PXDNL: variants seen among roughly 807,000 people sequenced by gnomAD.
PXDNL encodes peroxidasin like.
In PXDNL, 145 loss-of-function variants were observed where a neutral mutation model predicts 150.8. The ratio of observed to expected loss-of-function variants is 0.96; its 90% CI spans 0.84 to 1.10. The LOEUF is 1.10. Among genes scored for constraint, PXDNL ranks in the 50% least tolerant of loss-of-function variants. The pLI is 0.00. For synonymous variants in PXDNL, 757 were observed against 725.7 expected (o/e 1.04, Z -0.69); for missense variants, 2,087 against 1,873.9 (o/e 1.11, Z -2.10).
intron 1 of PXDNL, among the ~76,000 whole-genome samples, chr8:51,744,056 AGG>A (rs1189846528): frequency 0.06 from 3,897 of 64,586 alleles, 193 homozygotes; most frequent in Non-Finnish European, 0.089. Context: ...GAAGGAAGGA[AGG>A]AAGGAAGGAA....
Position 51,809,266 on chromosome 8 carries a change from G to T in PXDNL, c.79C>A (p.Arg27=). 1.2e-6 allele frequency: 2 copies of T among 1,603,444 alleles called. No homozygotes were observed. Among genetic ancestry groups the T allele is most frequent in the Admixed American group, 1.7e-5 (1 of 57,848 alleles). ...ACGGTGCTCTTAAAGCAAAGGCACC[G>T]GCTGGGGCAGGGCAACCCTGGCAGG... ...WCLPGLPCPS[R]CLCFKSTVRC... is the part of the protein sequence containing the mutation. Residue 27 remains arginine, a synonymous_variant, in exon 1 of 23, where the codon CGG becomes AGG. Transcript: ENST00000356297.
At chr8:51,780,395 A>G (rs762023997) in intron 1 of PXDNL, among the ~76,000 whole-genome samples, 1 of 152,134 alleles carries the variant, frequency 6.6e-6, no homozygotes, top group Non-Finnish European at 1.5e-5. Context: ...CCAAAAATAC[A>G]TATGTAAATT....
At chr8:51,801,063 G>T (rs1026621539) in intron 1 of PXDNL, among the ~76,000 whole-genome samples, 4 of 152,168 alleles carry the variant, frequency 2.6e-5, no homozygotes, top group African/African-American at 9.7e-5. Flanking sequence ...CCTATAAATT[G>T]ACGTGCAAGT....
At chr8:51,406,650 C>T (rs2130880812) in intron 17 of PXDNL, among the ~76,000 whole-genome samples, 1 of 152,356 alleles carries the variant, frequency 6.6e-6, no homozygotes, top group South Asian at 2.1e-4. Flanking sequence ...TACACTTAAA[C>T]TTCTAAGACC....
At chr8:51,599,362 A>G (rs989250994) in intron 2 of PXDNL, among the ~76,000 whole-genome samples, 8 of 151,844 alleles carry the variant, frequency 5.3e-5, no homozygotes, top group African/African-American at 1.9e-4. Flanking sequence ...TTTTTGAGGT[A>G]GGCATTTATT....
chr8:51,705,839 G>A (rs868634446), intron 1 of PXDNL, among the ~76,000 whole-genome samples: 8 of 12,182 alleles, frequency 6.6e-4, no homozygotes, highest in South Asian at 3.1e-3. Context: ...GTGTGCGCGC[G>A]CGCGCGCGCG....
chr8:51,513,426 C>G (rs1295231798), intron 4 of PXDNL, among the ~76,000 whole-genome samples: 1 of 152,220 alleles, frequency 6.6e-6, no homozygotes, highest in Non-Finnish European at 1.5e-5. Flanking sequence ...ATGAGTCACA[C>G]TGTGCAAGGG....
intron 4 of PXDNL, among the ~76,000 whole-genome samples, chr8:51,522,020 C>CA (rs1811674240): frequency 6.6e-6 from 1 of 152,100 alleles, no homozygotes; most frequent in Non-Finnish European, 1.5e-5. Context: ...GAAAGAAATG[C>CA]AATAGGTCAG....
chr8:51,640,308 G>A lies in PXDNL; in HGVS notation c.236+14381C>T, dbSNP rs574849213. Reference sequence around the variant, plus strand: ...AAAACTGGCACAAGACAGGGATGCCGTCTCTCACCACTCCTATTCAACATA... The same window carrying A: ...AAAACTGGCACAAGACAGGGATGCCATCTCTCACCACTCCTATTCAACATA... On this transcript the variant is annotated intron_variant, in intron 2 of 22. Coordinates refer to ENST00000356297, the MANE Select transcript of PXDNL (RefSeq NM_144651.5). Among the ~76,000 whole-genome samples the A allele has an allele frequency of 6.0e-3, 908 of 152,118 alleles. 13 individuals carry two copies. The highest frequency in any genetic ancestry group is 0.02 in the African/African-American group (833 of 41,496).
intron 8 of PXDNL, among the ~76,000 whole-genome samples, chr8:51,468,486 C>T (rs887356497): frequency 6.6e-6 from 1 of 151,736 alleles, no homozygotes; most frequent in African/African-American, 2.4e-5. Context: ...CTCTCAGTGT[C>T]ATAATGTTTC....
chr8:51,528,852 C>T (rs922166819), intron 4 of PXDNL, among the ~76,000 whole-genome samples: 2 of 152,134 alleles, frequency 1.3e-5, no homozygotes, highest in Admixed American at 6.5e-5. Flanking sequence ...CTGCCCACAA[C>T]GCAAGTGAGT....
In PXDNL at chr8:51,409,187, C is replaced by A; in HGVS notation, c.2437G>T (p.Asp813Tyr). Residue 813 changes from aspartate to tyrosine, a missense_variant, in exon 17 of 23, where the codon GAC (aspartate) becomes TAC (tyrosine). Physicochemically the swap from Asp to Tyr is radical, Grantham distance 160 (BLOSUM62 -3). Coordinates refer to ENST00000356297, the MANE Select transcript of PXDNL (RefSeq NM_144651.5). ...AGCGCAGGCACTGTGTGGTCCAAGT[C>A]GTGCTCTAGAAACCAGCCCCAGTGC... is the stretch of plus-strand genomic sequence containing the variant. Reference protein sequence around the residue: ...LMHWGWFLEHDLDHTVPALST... With the variant: ...LMHWGWFLEHYLDHTVPALST... The A allele has an allele frequency of 6.3e-7, 1 of 1,593,664 alleles. No homozygotes were observed. Among genetic ancestry groups the A allele is most frequent in the South Asian group, 1.1e-5 (1 of 89,238 alleles).
chr8:51,738,430 A>C (rs560623887), intron 1 of PXDNL, among the ~76,000 whole-genome samples: 1 of 151,966 alleles, frequency 6.6e-6, no homozygotes, highest in Non-Finnish European at 1.5e-5. Context: ...AGAACATTCC[A>C]CTTTCTCCCC....
intron 1 of PXDNL, among the ~76,000 whole-genome samples, chr8:51,673,890 G>T (rs929939113): frequency 2.0e-5 from 3 of 151,998 alleles, no homozygotes; most frequent in Non-Finnish European, 4.4e-5. Flanking sequence ...ATGTAATTAA[G>T]GCATGCCACC....
intron 2 of PXDNL, among the ~76,000 whole-genome samples, chr8:51,625,289 G>A (rs1346686258): frequency 6.6e-6 from 1 of 151,704 alleles, no homozygotes; most frequent in Non-Finnish European, 1.5e-5. Flanking sequence ...TTCTTCAATA[G>A]AGAAAAAAGC....
intron 2 of PXDNL, among the ~76,000 whole-genome samples, chr8:51,594,664 TG>T (rs1245672754): frequency 5.3e-5 from 8 of 152,324 alleles, no homozygotes; most frequent in African/African-American, 1.9e-4. Context: ...CTCATTAAAA[TG>T]GTTCACAGTT....
intron 3 of PXDNL, among the ~76,000 whole-genome samples, chr8:51,584,590 C>T (rs749192844): frequency 2.0e-5 from 3 of 152,028 alleles, no homozygotes; most frequent in South Asian, 2.1e-4. Flanking sequence ...TGCAGCGGGA[C>T]GTATTTTCAG....
intron 1 of PXDNL, among the ~76,000 whole-genome samples, chr8:51,765,031 AAC>A (rs1369426277): frequency 6.6e-6 from 1 of 152,256 alleles, no homozygotes; most frequent in South Asian, 2.1e-4. Flanking sequence ...ATTATTTTAA[AAC>A]AGTCTCCTTT....
chr8:51,575,066 T>C (rs1024598294), intron 3 of PXDNL, among the ~76,000 whole-genome samples: 1 of 152,088 alleles, frequency 6.6e-6, no homozygotes, highest in Non-Finnish European at 1.5e-5. Context: ...TAATAGCATT[T>C]TCTGAAGTAA....
Sources: allele counts gnomAD v4.1 joint callset (sites outside exome capture counted in the v4.1 genomes callset), GRCh38; gene constraint gnomAD v4.1.1; transcripts MANE v1.5; gene names NCBI Gene and HGNC (gene_info 2026-07-23, HGNC 2026-07-21).